Variants in SPATA17 observed in about 807,000 individuals in gnomAD.
SPATA17 encodes the protein spermatogenesis-associated protein 17.
SPATA17 carries 53 observed loss-of-function variants against 62.2 expected under a neutral mutation model. That is an observed-to-expected ratio of 0.85 (90% confidence interval 0.68 to 1.07). The LOEUF (loss-of-function observed/expected upper bound fraction) is 1.07. Among genes scored for constraint, SPATA17 ranks in the 50% least tolerant of loss-of-function variants. SPATA17 has a pLI of 0.00. For missense variants in SPATA17, 466 were observed against 425.5 expected (o/e 1.10, Z -0.84); for synonymous variants, 146 against 146.8 (o/e 0.99, Z 0.04).
chr1:217,660,726 C>A (rs1558555767), intron 3 of SPATA17, among the ~76,000 whole-genome samples: 1 of 152,052 alleles, frequency 6.6e-6, no homozygotes, highest in South Asian at 2.1e-4. Flanking sequence ...AGGGCTGAGA[C>A]GAAGAGATAT....
intron 8 of SPATA17, among the ~76,000 whole-genome samples, chr1:217,785,608 A>T (rs1673841264): frequency 6.6e-6 from 1 of 152,198 alleles, no homozygotes; most frequent in Admixed American, 6.5e-5. Context: ...ACTCAACATG[A>T]GATTTGGGTG....
rs181544341 is a variant in SPATA17, at chr1:217,678,074, C to A, written c.292-5184C>A. ...GTACAATCTTTTTTAGAATGTTGAT[C>A]ATTCTAATAAAAGTATAATTATGAA... is the stretch of plus-strand genomic sequence containing the variant. On this transcript the variant is annotated intron_variant, in intron 4 of 10. Coordinates refer to ENST00000366933, the MANE Select transcript of SPATA17 (RefSeq NM_138796.4). Among the ~76,000 whole-genome samples, 7 of 152,090 alleles carry A rather than the reference C, an allele frequency of 4.6e-5. No individual in the cohort carries two copies. In the East Asian group the frequency reaches 1.4e-3, roughly 29 times the overall value.
intron 6 of SPATA17, among the ~76,000 whole-genome samples, chr1:217,763,140 A>G (rs1673213780): frequency 6.6e-6 from 1 of 152,230 alleles, no homozygotes; most frequent in African/African-American, 2.4e-5. Flanking sequence ...AGAGGCCAAG[A>G]AAATGGACAC....
intron 9 of SPATA17, among the ~76,000 whole-genome samples, chr1:217,808,381 A>C (rs904029396): frequency 6.7e-4 from 45 of 67,514 alleles, no homozygotes; most frequent in Non-Finnish European, 1.3e-3. Flanking sequence ...ACACACACAC[A>C]CCCCCCTCAG....
At chr1:217,725,675 C>T (rs2102937417) in intron 5 of SPATA17, among the ~76,000 whole-genome samples, 1 of 152,272 alleles carries the variant, frequency 6.6e-6, no homozygotes, top group Non-Finnish European at 1.5e-5. Context: ...GTTGGCCAGG[C>T]TGGTCTCAAA....
intron 9 of SPATA17, among the ~76,000 whole-genome samples, chr1:217,823,142 G>T (rs1012261088): frequency 6.6e-6 from 1 of 151,762 alleles, no homozygotes; most frequent in African/African-American, 2.4e-5. Flanking sequence ...TTTTTTGTTT[G>T]GTTCTGCTAA....
chr1:217,724,182 T>A (rs1015923840), intron 5 of SPATA17, among the ~76,000 whole-genome samples: 1 of 152,244 alleles, frequency 6.6e-6, no homozygotes, highest in African/African-American at 2.4e-5. Flanking sequence ...GTTCTATCTA[T>A]ATTAATGGAC....
chr1:217,802,856 C>A (rs1464309380), intron 9 of SPATA17, among the ~76,000 whole-genome samples: 1 of 152,078 alleles, frequency 6.6e-6, no homozygotes, highest in Admixed American at 6.5e-5. Context: ...ACATTTAGTA[C>A]CCACTCTAAA....
At chr1:217,694,469 A>G (rs1469782611) in intron 5 of SPATA17, among the ~76,000 whole-genome samples, 2 of 139,462 alleles carry the variant, frequency 1.4e-5, no homozygotes, top group Non-Finnish European at 3.1e-5. Context: ...GTGTCTTTTA[A>G]TTGGAGAATT....
At chr1:217,862,389 C>A (rs1025439142) in intron 9 of SPATA17, among the ~76,000 whole-genome samples, 6 of 152,118 alleles carry the variant, frequency 3.9e-5, no homozygotes, top group African/African-American at 1.4e-4. Flanking sequence ...TTGGCTGTAT[C>A]ACCTTTCCAT....
At position 217,801,743 on chromosome 1, in the gene SPATA17, A is replaced by G. The variant is rs1233023326; in HGVS notation, c.898A>G (p.Lys300Glu). Residue 300 changes from lysine to glutamate, a missense_variant, in exon 9 of 11, where the codon AAA becomes GAA. Physicochemically the swap from Lys to Glu is moderately conservative, Grantham distance 56. Transcript: ENST00000366933. ...NMFLPFSSYH[K>E]NEKYIPSMHL... is the part of the protein sequence containing the mutation. The stretch of plus-strand genomic sequence containing the variant: ...GTTTTTGCCATTTTCTTCATACCAT[A>G]AAAATGAAAAGTACATCCCATCAAT... The G allele has an allele frequency of 1.2e-6, 2 of 1,605,816 alleles. No individual in the cohort carries two copies. The highest frequency in any genetic ancestry group is 3.5e-5 in the Admixed American group (2 of 57,630).
At chr1:217,770,479 G>T (rs1448491109) in intron 6 of SPATA17, among the ~76,000 whole-genome samples, 1 of 152,038 alleles carries the variant, frequency 6.6e-6, no homozygotes, top group Admixed American at 6.6e-5. Flanking sequence ...TGTGATCTGG[G>T]AATTGTAGGT....
chr1:217,753,945 C>T (rs867789955), intron 6 of SPATA17, among the ~76,000 whole-genome samples: 3 of 152,026 alleles, frequency 2.0e-5, no homozygotes, highest in Admixed American at 1.3e-4. Context: ...TTATATAAAA[C>T]TCCTATTGGC....
chr1:217,742,243 A>G, intron 6 of SPATA17, 145 bp downstream of exon 6: 1 of 1,005,368 alleles, frequency 9.9e-7, no homozygotes, highest in South Asian at 1.6e-5. Flanking sequence ...GCTTCTGTGT[A>G]GGTGCGCGCA....
At chr1:217,721,028 T>C (rs937752802) in intron 5 of SPATA17, among the ~76,000 whole-genome samples, 20 of 152,182 alleles carry the variant, frequency 1.3e-4, no homozygotes, top group Admixed American at 9.8e-4. Context: ...ACACTCTAGA[T>C]TGTGAGTTTA....
At position 217,651,135 on chromosome 1, in the gene SPATA17, G is replaced by A; in HGVS notation, c.197G>A (p.Trp66Ter). The A allele has an allele frequency of 5.0e-6, 8 of 1,609,498 alleles. No individual in the cohort carries two copies. The highest frequency in any genetic ancestry group is 6.8e-6 in the Non-Finnish European group (8 of 1,178,724). ...NRIVTIIQKW[W>*]RSFLGRKQYQ... ...ATTGTAACAATTATTCAAAAATGGT[G>A]GAGAAGTTTCTTAGGCAGAAAGCAA... Residue 66 changes from tryptophan (W) to a stop codon, truncating the protein, a stop_gained, in exon 3 of 11, where the codon TGG becomes TAG. Transcript: ENST00000366933. LOFTEE classifies it high-confidence loss of function.
intron 9 of SPATA17, among the ~76,000 whole-genome samples, chr1:217,835,697 G>A (rs1675246884): frequency 2.0e-5 from 3 of 152,058 alleles, no homozygotes; most frequent in Admixed American, 6.6e-5. Context: ...AAGCTAATGA[G>A]AGACTACCAG....
intron 5 of SPATA17, among the ~76,000 whole-genome samples, chr1:217,735,419 A>C (rs11117918): frequency 0.52 from 79,245 of 151,926 alleles, 22,596 homozygotes; most frequent in Non-Finnish European, 0.66. Flanking sequence ...TCAATGGGGG[A>C]TCCACCTCCA....
intron 9 of SPATA17, among the ~76,000 whole-genome samples, chr1:217,821,393 A>G (rs1674859485): frequency 6.6e-6 from 1 of 152,106 alleles, no homozygotes; most frequent in Non-Finnish European, 1.5e-5. Context: ...TGCTTATCAA[A>G]AAAGTCAAGG....
Sources: gnomAD v4.1 joint callset for allele counts (sites outside exome capture counted in the v4.1 genomes callset) on GRCh38, gnomAD v4.1.1 for gene constraint, MANE v1.5 for transcripts, NCBI Gene and HGNC (gene_info 2026-07-23, HGNC 2026-07-21) for gene names.